Variants in CTNNA2 observed in about 807,000 individuals in gnomAD.
The protein encoded by CTNNA2 is catenin alpha 2.
Under a neutral mutation model 101.0 loss-of-function variants are expected in CTNNA2, and 42 were observed. The observed-to-expected ratio is 0.42, with a 90% confidence interval of 0.32 to 0.54. CTNNA2 has a LOEUF of 0.54. CTNNA2 is among the 20% of genes least tolerant of loss of function. The pLI is 0.14. For synonymous variants in CTNNA2, 450 were observed against 456.4 expected (o/e 0.99, Z 0.18); for missense variants, 871 against 1,223.1 (o/e 0.71, Z 4.29).
intron 9 of CTNNA2, among the ~76,000 whole-genome samples, chr2:80,521,113 G>T (rs973025006): frequency 1.2e-4 from 18 of 152,200 alleles, no homozygotes; most frequent in African/African-American, 4.1e-4. Flanking sequence ...CAGCCCTTGT[G>T]CTGGGGCCGC....
At chr2:79,223,593 A>G (rs1331948565) in intron 2 of CTNNA2, among the ~76,000 whole-genome samples, 2 of 152,098 alleles carry the variant, frequency 1.3e-5, no homozygotes, top group Non-Finnish European at 2.9e-5. Context: ...GTAAGACAGC[A>G]CTCCAGGGAT....
At chr2:79,343,687 G>C (rs1040405477) in intron 3 of CTNNA2, among the ~76,000 whole-genome samples, 4 of 151,596 alleles carry the variant, frequency 2.6e-5, no homozygotes, top group African/African-American at 9.7e-5. Flanking sequence ...AATTGATATT[G>C]ACCTAACCCT....
chr2:79,958,415 A>G (rs1689393635), intron 7 of CTNNA2, among the ~76,000 whole-genome samples: 2 of 152,142 alleles, frequency 1.3e-5, no homozygotes. Flanking sequence ...AGTGGCCCCT[A>G]GGTAATCACA....
intron 1 of CTNNA2, among the ~76,000 whole-genome samples, chr2:79,530,781 C>A (rs1055587231): frequency 6.6e-6 from 1 of 151,980 alleles, no homozygotes; most frequent in African/African-American, 2.4e-5. Flanking sequence ...ATTTAGCAGA[C>A]TTGGATGCTG....
chr2:79,279,719 C>T (rs545274748), intron 2 of CTNNA2, among the ~76,000 whole-genome samples: 22 of 152,092 alleles, frequency 1.4e-4, no homozygotes, highest in Non-Finnish European at 3.2e-4. Flanking sequence ...CCATGGGGCA[C>T]ATTTTGGGAG....
At chr2:79,871,199 A>G (rs1348794055) in intron 5 of CTNNA2, among the ~76,000 whole-genome samples, 2 of 152,204 alleles carry the variant, frequency 1.3e-5, no homozygotes, top group African/African-American at 4.8e-5. Context: ...CCACTCAACA[A>G]ACATTTATTG....
At chr2:80,392,858 A>T (rs1677649563) in intron 7 of CTNNA2, among the ~76,000 whole-genome samples, 1 of 152,208 alleles carries the variant, frequency 6.6e-6, no homozygotes, top group South Asian at 2.1e-4. Flanking sequence ...AAATGTGCCT[A>T]CACAATATAG....
Position 79,413,312 on chromosome 2 carries a change from T to C in CTNNA2, c.-135+39299T>C, listed in dbSNP as rs555613279. On this transcript the variant is annotated intron_variant, in intron 4 of 21. Transcript: ENST00000466387. ...ATACAGTGAGATCATGCAGTATTTA[T>C]CTTTTTGTGCCTGTCTTATTTAACT... is the stretch of plus-strand genomic sequence containing the variant. 2.2e-4 allele frequency among the ~76,000 whole-genome samples: 34 copies of C among 152,208 alleles called. No homozygotes were observed. The South Asian group carries it at 3.3e-3, about 15-fold the overall frequency.
At chr2:80,613,615 T>A (rs566619155) in intron 17 of CTNNA2, among the ~76,000 whole-genome samples, 1 of 151,314 alleles carries the variant, frequency 6.6e-6, no homozygotes, top group Middle Eastern at 3.4e-3. Context: ...ACCAATATAA[T>A]CAGTTATGGC....
chr2:80,475,773 G>A (rs775404673), intron 9 of CTNNA2, among the ~76,000 whole-genome samples: 1 of 152,038 alleles, frequency 6.6e-6, no homozygotes, highest in Non-Finnish European at 1.5e-5. Flanking sequence ...TATCATATAA[G>A]GCCTGTTGAG....
At chr2:79,601,794 C>A (rs947766057) in intron 1 of CTNNA2, among the ~76,000 whole-genome samples, 4 of 152,150 alleles carry the variant, frequency 2.6e-5, no homozygotes, top group African/African-American at 9.7e-5. Context: ...ACTGAAAATA[C>A]ACTGTAAAGG....
chr2:79,787,689 A>T (rs1161377525), intron 3 of CTNNA2, among the ~76,000 whole-genome samples: 1 of 152,052 alleles, frequency 6.6e-6, no homozygotes, highest in Non-Finnish European at 1.5e-5. Context: ...TCCAACTTTT[A>T]GAGGCCACTG....
intron 7 of CTNNA2, among the ~76,000 whole-genome samples, chr2:80,176,005 C>T (rs947894724): frequency 1.3e-5 from 2 of 152,174 alleles, no homozygotes; most frequent in Non-Finnish European, 2.9e-5. Flanking sequence ...GGTGTCCACC[C>T]AGATTGAGGG....
At chr2:79,856,453 T>C (rs1230732231) in intron 3 of CTNNA2, among the ~76,000 whole-genome samples, 1 of 152,216 alleles carries the variant, frequency 6.6e-6, no homozygotes, top group Admixed American at 6.5e-5. Flanking sequence ...AGTAGGTGAG[T>C]AGTAATCATT....
intron 2 of CTNNA2, among the ~76,000 whole-genome samples, chr2:79,228,606 T>G (rs546868435): frequency 6.6e-6 from 1 of 152,328 alleles, no homozygotes; most frequent in South Asian, 2.1e-4. Context: ...GGATTATTTG[T>G]TTTTGCTTCG....
intron 7 of CTNNA2, among the ~76,000 whole-genome samples, chr2:80,320,610 A>G (rs1678585888): frequency 6.6e-6 from 1 of 152,160 alleles, no homozygotes; most frequent in African/African-American, 2.4e-5. Context: ...AGGCAACCTT[A>G]AAAATTTACT....
At position 79,464,375 on chromosome 2, in the gene CTNNA2, G is replaced by T. The variant is rs183870618; in HGVS notation, c.-134-40679G>T. Among the ~76,000 whole-genome samples the T allele has an allele frequency of 4.9e-3, 748 of 152,242 alleles. 21 individuals carry two copies. Among genetic ancestry groups the T allele is most frequent in the East Asian group, 0.011 (58 of 5,166 alleles). On this transcript the variant is annotated intron_variant, in intron 4 of 21. Transcript: ENST00000466387. Reference sequence around the variant, plus strand: ...ATATATGCCACATTTTCTTAATCCAGTCTATCATTGTTGGACATTTGGGTT... The same window carrying T: ...ATATATGCCACATTTTCTTAATCCATTCTATCATTGTTGGACATTTGGGTT...
intron 4 of CTNNA2, among the ~76,000 whole-genome samples, chr2:79,382,097 T>C (rs1396374945): frequency 6.6e-6 from 1 of 152,032 alleles, no homozygotes; most frequent in Non-Finnish European, 1.5e-5. Flanking sequence ...TCCAATCTAT[T>C]GAGGGCCCAA....
chr2:80,490,280 AC>A (rs138977108), intron 9 of CTNNA2, among the ~76,000 whole-genome samples: 1,713 of 55,770 alleles, frequency 0.031, 58 homozygotes, highest in African/African-American at 0.099. Context: ...TTCCCCCCCC[AC>A]CCCCCCCCCG....
Sources: gnomAD v4.1 joint callset for allele counts (sites outside exome capture counted in the v4.1 genomes callset) on GRCh38, gnomAD v4.1.1 for gene constraint, MANE v1.5 for transcripts, NCBI Gene and HGNC (gene_info 2026-07-23, HGNC 2026-07-21) for gene names.